CD44: variants seen among roughly 807,000 people sequenced by gnomAD.
CD44 encodes CD44 antigen.
Under a neutral mutation model 88.8 loss-of-function variants are expected in CD44, and 49 were observed. The observed-to-expected ratio is 0.55, with a 90% CI of 0.44 to 0.70. The LOEUF (loss-of-function observed/expected upper bound fraction) is 0.70, where lower values mean the gene tolerates loss of function less well. Among genes scored for constraint, CD44 ranks in the 30% least tolerant of loss-of-function variants. CD44 has a pLI of 0.00. For synonymous variants in CD44, 325 were observed against 312.3 expected (o/e 1.04, Z -0.43); for missense variants, 883 against 913.8 (o/e 0.97, Z 0.43).
chr11:35,192,920 A>G (rs1946409868), intron 5 of CD44, among the ~76,000 whole-genome samples: 1 of 151,816 alleles, frequency 6.6e-6, no homozygotes, highest in South Asian at 2.1e-4. Flanking sequence ...AGACAAAAAT[A>G]ACGCCTATTT....
chr11:35,145,655 G>T (rs1037741723), intron 1 of CD44, among the ~76,000 whole-genome samples: 1 of 152,136 alleles, frequency 6.6e-6, no homozygotes, highest in Non-Finnish European at 1.5e-5. Context: ...GCCACCTTGG[G>T]GTTCTAGTTA....
intron 1 of CD44, among the ~76,000 whole-genome samples, chr11:35,141,250 C>T (rs1181707845): frequency 1.3e-5 from 2 of 152,058 alleles, no homozygotes; most frequent in African/African-American, 4.8e-5. Context: ...AAACCCAGCT[C>T]CACTGAGCTC....
chr11:35,139,240 C>A lies in CD44; in HGVS notation c.-64C>A. ...ATCCTCGTCCCGTCCTCCGCCGGCC[C>A]CTGCCCCGCGCCCAGGGATCCTCCA... On this transcript the variant is annotated 5_prime_UTR_variant, in exon 1 of 18. Coordinates refer to ENST00000428726, the MANE Select transcript of CD44 (RefSeq NM_000610.4). 7.3e-7 allele frequency: 1 copy of A among 1,364,882 alleles called. No homozygotes were observed. The allele number at this position is 1,364,882 out of a possible 1,614,324, so 84.5% of individuals were successfully genotyped here.
intron 17 of CD44, among the ~76,000 whole-genome samples, chr11:35,225,127 A>AGCACTTGAACTATGGCTAGTTCAAG (rs1565165798): frequency 1.6e-5 from 2 of 122,812 alleles, no homozygotes; most frequent in African/African-American, 2.6e-5. Flanking sequence ...GGCTAGTTCA[A>AGCACTTGAACTATGGCTAGTTCAAG]CTGAGGAAGT....
chr11:35,185,171 G>A (rs1462385983), intron 3 of CD44, among the ~76,000 whole-genome samples: 1 of 152,228 alleles, frequency 6.6e-6, no homozygotes, highest in Non-Finnish European at 1.5e-5. Flanking sequence ...GATGCTATGT[G>A]ATGGTGACAG....
At chr11:35,161,257 C>A (rs1405210213) in intron 1 of CD44, among the ~76,000 whole-genome samples, 3 of 152,152 alleles carry the variant, frequency 2.0e-5, no homozygotes, top group Non-Finnish European at 4.4e-5. Context: ...TCAAAAAGCA[C>A]CCCATAAGGA....
intron 1 of CD44, among the ~76,000 whole-genome samples, chr11:35,169,783 C>T (rs1056581030): frequency 6.6e-6 from 1 of 152,144 alleles, no homozygotes; most frequent in African/African-American, 2.4e-5. Flanking sequence ...GCTTAGGGGG[C>T]AGTATAGATG....
At chr11:35,191,298 A>C (rs1591165413) in intron 5 of CD44, among the ~76,000 whole-genome samples, 2 of 152,298 alleles carry the variant, frequency 1.3e-5, no homozygotes, top group Non-Finnish European at 2.9e-5. Flanking sequence ...AATTTCTGTC[A>C]GTCTCTGGCT....
chr11:35,225,102 G>GAGCACTGGAACTATGGCTAGTTCA (rs1949603022), intron 17 of CD44, among the ~76,000 whole-genome samples: 1 of 123,768 alleles, frequency 8.1e-6, no homozygotes, highest in African/African-American at 2.6e-5. Flanking sequence ...AGCCACAACT[G>GAGCACTGGAACTATGGCTAGTTCA]AGCACTTGAA....
intron 1 of CD44, among the ~76,000 whole-genome samples, chr11:35,167,060 C>T (rs1346558274): frequency 6.6e-6 from 1 of 152,228 alleles, no homozygotes; most frequent in Non-Finnish European, 1.5e-5. Flanking sequence ...GCTAGAAAGA[C>T]TCCCAGATGA....
Position 35,198,185 on chromosome 11 carries a change from C to T in CD44, c.861C>T (p.Asp287=). The T allele has an allele frequency of 6.2e-7, 1 of 1,613,772 alleles. No homozygotes were observed. The highest frequency in any genetic ancestry group is 8.5e-7 in the Non-Finnish European group (1 of 1,179,660). ...EPNEENEDER[D]RHLSFSGSGI... is the part of the protein sequence containing the mutation. ...ATGAAGAAAATGAAGATGAAAGAGA[C>T]AGACACCTCAGTTTTTCTGGATCAG... The change falls in exon 7 of 18, where the codon GAC becomes GAT. Residue 287 remains aspartate, a synonymous_variant. Transcript: ENST00000428726.
intron 1 of CD44, among the ~76,000 whole-genome samples, chr11:35,152,141 C>A (rs891060329): frequency 6.6e-6 from 1 of 152,242 alleles, no homozygotes; most frequent in Non-Finnish European, 1.5e-5. Context: ...CCACTGGAAG[C>A]TCTTCTGTGC....
intron 2 of CD44, 103 bp from the exon 3 acceptor site, chr11:35,180,171 A>C: frequency 8.6e-7 from 1 of 1,161,668 alleles, no homozygotes; most frequent in Non-Finnish European, 1.3e-6. Flanking sequence ...CCTAGGGGTG[A>C]ACTGAATGAA....
chr11:35,231,067 C>T lies in CD44; in HGVS notation c.*1734C>T, dbSNP rs1264637236. On this transcript the variant is annotated 3_prime_UTR_variant, in exon 18 of 18. Transcript: ENST00000428726. ...CAGCCTCTGCTCCTCCCTGTCTACC[C>T]TCTCCCCTCCCTCTCTCCCTCCACT... 1 of 153,222 alleles carries T rather than the reference C, an allele frequency of 6.5e-6. No individual in the cohort carries two copies. The highest frequency in any genetic ancestry group is 1.5e-5 in the Non-Finnish European group (1 of 68,346). The allele number at this position is 153,222 out of a possible 1,614,324, so 9.5% of individuals were successfully genotyped here. A position where few individuals can be genotyped will look rare whatever the true frequency, so the allele number is the denominator to read the frequency against.
chr11:35,203,210 T>C (rs542271807), intron 9 of CD44, among the ~76,000 whole-genome samples: 1 of 152,184 alleles, frequency 6.6e-6, no homozygotes, highest in Non-Finnish European at 1.5e-5. Context: ...AGAAATCATA[T>C]GTTTTGCTAA....
chr11:35,183,089 G>A (rs1026385722), intron 3 of CD44, among the ~76,000 whole-genome samples: 1 of 152,036 alleles, frequency 6.6e-6, no homozygotes, highest in Non-Finnish European at 1.5e-5. Flanking sequence ...GAAGTACAGG[G>A]GGTATGTTCC....
Position 35,198,228 on chromosome 11 carries a change from G to T in CD44, c.904G>T (p.Asp302Tyr). The change falls in exon 7 of 18, where the codon GAT becomes TAT. Residue 302 changes from aspartate (D) to tyrosine (Y), a missense_variant. This residue lies in a region of CD44 where 631 missense variants were observed against 590.9 expected (regional missense o/e 1.07). Transcript: ENST00000428726. The part of the protein sequence containing the change: ...FSGSGIDDDE[D>Y]FISSTISTTP... ...TGGATCAGGCATTGATGATGATGAA[G>T]ATTTTATCTCCAGCACCAGTAAGAA... The T allele has an allele frequency of 3.1e-6, 5 of 1,613,976 alleles. No individual in the cohort carries two copies. Among genetic ancestry groups the T allele is most frequent in the Non-Finnish European group, 4.2e-6 (5 of 1,179,876 alleles).
At chr11:35,190,691 A>G (rs1328113431) in intron 5 of CD44, among the ~76,000 whole-genome samples, 3 of 152,384 alleles carry the variant, frequency 2.0e-5, no homozygotes, top group Non-Finnish European at 4.4e-5. Flanking sequence ...ATAGTGTAAT[A>G]TTCAGTGATT....
chr11:35,169,154 AAG>A (rs1036994537), intron 1 of CD44, among the ~76,000 whole-genome samples: 3 of 152,146 alleles, frequency 2.0e-5, no homozygotes, highest in Non-Finnish European at 2.9e-5. Context: ...TGGGGGCAGA[AAG>A]AGAGCATTTA....
Sources: gnomAD v4.1 joint callset for allele counts (sites outside exome capture counted in the v4.1 genomes callset) on GRCh38, gnomAD v4.1.1 for gene constraint, gnomAD v4.1.1 regional missense constraint, MANE v1.5 for transcripts, NCBI Gene and HGNC (gene_info 2026-07-23, HGNC 2026-07-21) for gene names.